Variants in RBM47 observed in about 807,000 individuals in gnomAD.
RBM47 encodes the protein RNA binding motif protein 47, also known as RNA-binding protein 47.
Under a neutral mutation model 47.1 loss-of-function variants are expected in RBM47, and 21 were observed. That is an observed-to-expected ratio of 0.45 (90% CI 0.32 to 0.64). The LOEUF is 0.64. RBM47 is among the 30% of genes least tolerant of loss of function. The pLI is 0.05. For missense variants in RBM47, 708 were observed against 870.9 expected, an observed-to-expected ratio of 0.81 and a Z score of 2.35; for synonymous variants, 375 against 361.7, an observed-to-expected ratio of 1.04 and a Z score of -0.42.
intron 3 of RBM47, among the ~76,000 whole-genome samples, chr4:40,450,563 A>G (rs540815133): frequency 6.6e-6 from 1 of 152,170 alleles, no homozygotes; most frequent in African/African-American, 2.4e-5. Flanking sequence ...GATCGCACCA[A>G]TGCACTCCAG....
At chr4:40,451,610 C>T (rs1435807788) in intron 3 of RBM47, among the ~76,000 whole-genome samples, 1 of 152,102 alleles carries the variant, frequency 6.6e-6, no homozygotes, top group Non-Finnish European at 1.5e-5. Flanking sequence ...TAAAGACATA[C>T]TATGAACAAT....
intron 3 of RBM47, among the ~76,000 whole-genome samples, chr4:40,465,903 C>T (rs985138594): frequency 6.6e-6 from 1 of 152,138 alleles, no homozygotes; most frequent in Admixed American, 6.5e-5. Flanking sequence ...TACTATCACA[C>T]TGAATCCTAG....
At chr4:40,467,548 C>A (rs1443053528) in intron 2 of RBM47, among the ~76,000 whole-genome samples, 1 of 152,052 alleles carries the variant, frequency 6.6e-6, no homozygotes, top group Non-Finnish European at 1.5e-5. Context: ...GACTCAGCCT[C>A]CCAAAGTGCC....
At chr4:40,490,937 A>T (rs909235467) in intron 2 of RBM47, among the ~76,000 whole-genome samples, 3 of 152,154 alleles carry the variant, frequency 2.0e-5, no homozygotes, top group African/African-American at 7.2e-5. Flanking sequence ...TCCTACAGAA[A>T]TTCAAGGGGC....
At chr4:40,608,460 T>C (rs776924338) in intron 1 of RBM47, among the ~76,000 whole-genome samples, 1 of 152,194 alleles carries the variant, frequency 6.6e-6, no homozygotes, top group East Asian at 1.9e-4. Flanking sequence ...TAATTTATTT[T>C]CCAAAATGGG....
At chr4:40,576,240 GTT>G (rs143760914) in intron 1 of RBM47, among the ~76,000 whole-genome samples, 64 of 115,022 alleles carry the variant, frequency 5.6e-4, no homozygotes, top group African/African-American at 1.4e-3. Flanking sequence ...TCTCTTTTCT[GTT>G]TTTTTTTTTT....
chr4:40,468,160 G>A (rs1045039671), intron 2 of RBM47, among the ~76,000 whole-genome samples: 9 of 152,072 alleles, frequency 5.9e-5, no homozygotes, highest in East Asian at 3.8e-4. Flanking sequence ...AGTGGTAGGC[G>A]CCTGTAATCC....
chr4:40,455,757 A>T (rs951703885), intron 3 of RBM47, among the ~76,000 whole-genome samples: 2 of 152,214 alleles, frequency 1.3e-5, no homozygotes, highest in Admixed American at 1.3e-4. Context: ...CTCATAGCAA[A>T]CAAACAAAAA....
At chr4:40,433,993 T>G (rs1267547131) in intron 5 of RBM47, among the ~76,000 whole-genome samples, 24 of 42,804 alleles carry the variant, frequency 5.6e-4, no homozygotes, top group Admixed American at 1.5e-3. Flanking sequence ...TGTGTGTGTG[T>G]GGGGCGGGGG....
chr4:40,437,091 ATATATATAT>A lies in RBM47; in HGVS notation c.1124-453_1124-445del, dbSNP rs1560357136. 1.8e-4 allele frequency among the ~76,000 whole-genome samples: 6 copies of A among 32,482 alleles called. 1 individual carries two copies. Among genetic ancestry groups the A allele is most frequent in the African/African-American group, 3.3e-4 (2 of 6,126 alleles). 21.3% of individuals were successfully genotyped at this position (32,482 alleles called of 152,430 possible). ...CCTGTCTCAAAAAAAAAAAAAAAAA[ATATATATAT>A]ATATATATATAAAATACATATATAT... On this transcript the variant is annotated intron_variant, in intron 4 of 6. Transcript: ENST00000295971.
chr4:40,593,850 C>G (rs1262569423), intron 1 of RBM47, among the ~76,000 whole-genome samples: 1 of 150,120 alleles, frequency 6.7e-6, no homozygotes, highest in Non-Finnish European at 1.5e-5. Context: ...CGCCACTACA[C>G]TCCAGCCTGG....
At chr4:40,559,357 TA>T (rs1560468706) in intron 1 of RBM47, among the ~76,000 whole-genome samples, 1 of 152,172 alleles carries the variant, frequency 6.6e-6, no homozygotes. Flanking sequence ...GGCTAGCCCA[TA>T]ATGTGGGTGT....
chr4:40,619,955 C>T (rs9685282), intron 1 of RBM47, among the ~76,000 whole-genome samples: 49,107 of 151,898 alleles, frequency 0.32, 8,025 homozygotes, highest in African/African-American at 0.38. Flanking sequence ...CCCAACACTT[C>T]GGGAGGCCGA....
intron 3 of RBM47, among the ~76,000 whole-genome samples, chr4:40,451,772 C>G (rs1009792642): frequency 3.3e-5 from 5 of 152,180 alleles, no homozygotes; most frequent in African/African-American, 7.2e-5. Flanking sequence ...CATTCAAACA[C>G]TAATTGAGCA....
chr4:40,627,933 A>G (rs552219591), intron 1 of RBM47, among the ~76,000 whole-genome samples: 2 of 152,362 alleles, frequency 1.3e-5, no homozygotes, highest in South Asian at 4.1e-4. Context: ...TCAATCCTAC[A>G]AACTTCTGTA....
intron 2 of RBM47, among the ~76,000 whole-genome samples, chr4:40,506,612 T>C (rs1724133079): frequency 1.3e-5 from 2 of 152,214 alleles, no homozygotes; most frequent in South Asian, 4.1e-4. Context: ...AGGTCAACCT[T>C]GTGGCAATGG....
intron 1 of RBM47, among the ~76,000 whole-genome samples, chr4:40,562,281 G>T (rs1730703014): frequency 6.6e-6 from 1 of 151,986 alleles, no homozygotes; most frequent in Admixed American, 6.6e-5. Flanking sequence ...TGGAAGCCTG[G>T]AAAAAAGAGG....
At chr4:40,484,126 T>G (rs576246785) in intron 2 of RBM47, among the ~76,000 whole-genome samples, 6 of 152,296 alleles carry the variant, frequency 3.9e-5, no homozygotes, top group African/African-American at 1.4e-4. Context: ...AGAGAAAACT[T>G]TATGTAGGGT....
At chr4:40,508,912 G>GTGGCTCAAGTGAGTCACGCAGTGGCTCA (rs1724488367) in intron 2 of RBM47, among the ~76,000 whole-genome samples, 1 of 152,194 alleles carries the variant, frequency 6.6e-6, no homozygotes, top group African/African-American at 2.4e-5. Flanking sequence ...TGTAATCCCA[G>GTGGCTCAAGTGAGTCACGCAGTGGCTCA]CACTTTGGTA....
Sources: allele counts gnomAD v4.1 joint callset (sites outside exome capture counted in the v4.1 genomes callset), GRCh38; gene constraint gnomAD v4.1.1; transcripts MANE v1.5; gene names NCBI Gene and HGNC (gene_info 2026-07-23, HGNC 2026-07-21).